Variants in FAM13A observed in about 807,000 individuals in gnomAD.
FAM13A encodes the protein family with sequence similarity 13 member A, also known as protein FAM13A.
A neutral mutation model predicts 129.6 loss-of-function variants in FAM13A; 76 were observed. That is an observed-to-expected ratio of 0.59 (90% CI 0.49 to 0.71). The LOEUF is 0.71. Among genes scored for constraint, FAM13A ranks in the 30% least tolerant of loss-of-function variants. The pLI is 0.00. For synonymous variants in FAM13A, 443 were observed against 449.9 expected, an observed-to-expected ratio of 0.98 and a Z score of 0.20; for missense variants, 1,108 against 1,249.3, an observed-to-expected ratio of 0.89 and a Z score of 1.70.
At chr4:88,966,661 T>C (rs1187942313) in intron 4 of FAM13A, among the ~76,000 whole-genome samples, 1 of 152,166 alleles carries the variant, frequency 6.6e-6, no homozygotes, top group African/African-American at 2.4e-5. Context: ...TGGTCATTAT[T>C]TTTAGACCTG....
Position 88,728,602 on chromosome 4 carries a change from G to T in FAM13A, c.3003C>A (p.His1001Gln). The change falls in exon 24 of 24, where the codon CAC becomes CAA. Residue 1001 changes from histidine to glutamine, a missense_variant. By Grantham distance (24) the His-to-Gln change is conservative. This residue lies in a region of FAM13A where 529 missense variants were observed against 621.2 expected (regional missense o/e 0.85). Coordinates refer to ENST00000264344, the MANE Select transcript of FAM13A (RefSeq NM_014883.4). ...CCAGGAGCCTCAGTTTCGCCTTTAT[G>T]TGCTTATATTCACTGTATTCTTCAG... is the stretch of plus-strand genomic sequence containing the variant. ...PMAEEYSEYK[H>Q]IKAKLRLLEV... is the part of the protein sequence containing the mutation. 6.2e-7 allele frequency: 1 copy of T among 1,614,134 alleles called. No individual in the cohort carries two copies. The highest frequency in any genetic ancestry group is 8.5e-7 in the Non-Finnish European group (1 of 1,179,982).
At chr4:88,806,586 A>T (rs1419098939) in intron 7 of FAM13A, among the ~76,000 whole-genome samples, 1 of 152,172 alleles carries the variant, frequency 6.6e-6, no homozygotes, top group African/African-American at 2.4e-5. Flanking sequence ...TCATTCTCTC[A>T]TGATTTGGGT....
intron 3 of FAM13A, among the ~76,000 whole-genome samples, chr4:89,017,307 C>T (rs777457113): frequency 6.6e-6 from 1 of 151,972 alleles, no homozygotes; most frequent in Non-Finnish European, 1.5e-5. Context: ...GTTACCTGTG[C>T]ATAACCTCAC....
At chr4:88,799,304 A>C (rs1042978340) in intron 8 of FAM13A, among the ~76,000 whole-genome samples, 3 of 152,176 alleles carry the variant, frequency 2.0e-5, no homozygotes, top group African/African-American at 7.2e-5. Context: ...ATACTTCACA[A>C]CTAAAGGATG....
At chr4:88,977,941 T>G (rs989888116) in intron 4 of FAM13A, among the ~76,000 whole-genome samples, 1 of 152,176 alleles carries the variant, frequency 6.6e-6, no homozygotes, top group Non-Finnish European at 1.5e-5. Flanking sequence ...ATCAGTAATA[T>G]TTAATTTTTT....
chr4:88,757,334 G>A (rs1743875442), intron 14 of FAM13A, among the ~76,000 whole-genome samples: 1 of 152,120 alleles, frequency 6.6e-6, no homozygotes, highest in South Asian at 2.1e-4. Context: ...TTTTTATCTA[G>A]AGCTTTAGGG....
At chr4:88,743,631 C>T (rs1206938673) in intron 19 of FAM13A, among the ~76,000 whole-genome samples, 1 of 152,064 alleles carries the variant, frequency 6.6e-6, no homozygotes, top group African/African-American at 2.4e-5. Context: ...ATCTGGGATG[C>T]TCAATCAATA....
At chr4:88,924,336 G>A (rs899134480) in intron 5 of FAM13A, among the ~76,000 whole-genome samples, 8 of 152,242 alleles carry the variant, frequency 5.3e-5, no homozygotes, top group African/African-American at 1.9e-4. Context: ...AAACAGCATG[G>A]TACTGGTACC....
chr4:88,898,312 T>C (rs891616116), intron 6 of FAM13A, among the ~76,000 whole-genome samples: 1 of 152,190 alleles, frequency 6.6e-6, no homozygotes, highest in Non-Finnish European at 1.5e-5. Context: ...GAGTATATTT[T>C]TGACATTGAA....
intron 6 of FAM13A, among the ~76,000 whole-genome samples, chr4:88,859,045 A>T (rs1739033239): frequency 6.6e-6 from 1 of 152,206 alleles, no homozygotes. Flanking sequence ...CCAGGCAAAA[A>T]AAGAGGAAGT....
intron 2 of FAM13A, among the ~76,000 whole-genome samples, chr4:89,021,044 T>C (rs976521959): frequency 6.6e-6 from 1 of 152,222 alleles, no homozygotes; most frequent in African/African-American, 2.4e-5. Flanking sequence ...CAACTACTTT[T>C]TAAATGACAT....
At chr4:88,880,755 G>A (rs1047468961) in intron 6 of FAM13A, among the ~76,000 whole-genome samples, 28 of 141,838 alleles carry the variant, frequency 2.0e-4, no homozygotes, top group African/African-American at 7.0e-4. Context: ...AATAAACTCA[G>A]AGCTGTTGCG....
At chr4:88,756,621 A>G (rs1578511284) in intron 14 of FAM13A, among the ~76,000 whole-genome samples, 1 of 152,172 alleles carries the variant, frequency 6.6e-6, no homozygotes, top group Admixed American at 6.5e-5. Flanking sequence ...TTTCGTTTAC[A>G]TATTTTGTTG....
intron 3 of FAM13A, among the ~76,000 whole-genome samples, chr4:89,018,493 T>C (rs573434959): frequency 3.9e-5 from 6 of 152,274 alleles, no homozygotes; most frequent in Non-Finnish European, 8.8e-5. Flanking sequence ...ATTAATACAA[T>C]TTGGGGTTGA....
In FAM13A at chr4:88,747,699, T is replaced by C. The variant is rs1741660055; in HGVS notation, c.2314A>G (p.Thr772Ala). 1 of 1,614,204 alleles carries C rather than the reference T, an allele frequency of 6.2e-7. No individual in the cohort carries two copies. Among genetic ancestry groups the C allele is most frequent in the Middle Eastern group, 1.6e-4 (1 of 6,062 alleles). The stretch of plus-strand genomic sequence containing the variant: ...AGCTTCCTCTGAATAGATTCCAATG[T>C]GGCTTCAACACTGGGCTTTATTGCT... ...DKAIKPSVEA[T>A]LESIQRKLQE... is the part of the protein sequence containing the mutation. Residue 772 changes from threonine (T) to alanine (A), a missense_variant, in exon 18 of 24, where the codon ACA becomes GCA. Thr to Ala is a moderately conservative substitution (Grantham distance 58, BLOSUM62 0). Coordinates refer to ENST00000264344, the MANE Select transcript of FAM13A (RefSeq NM_014883.4).
At chr4:88,970,320 G>A in intron 4 of FAM13A, among the ~76,000 whole-genome samples, 1 of 152,016 alleles carries the variant, frequency 6.6e-6, no homozygotes, top group Non-Finnish European at 1.5e-5. Context: ...ATGGCTCCTG[G>A]AAAATAGTAG....
chr4:89,006,635 C>G (rs145245441), intron 3 of FAM13A, among the ~76,000 whole-genome samples: 1 of 152,310 alleles, frequency 6.6e-6, no homozygotes, highest in African/African-American at 2.4e-5. Context: ...TGTTAACCAG[C>G]TCAGTGGAGA....
At chr4:88,851,341 T>C (rs1410684566) in intron 6 of FAM13A, among the ~76,000 whole-genome samples, 158 bp from the exon 7 acceptor site, 2 of 151,872 alleles carry the variant, frequency 1.3e-5, no homozygotes, top group African/African-American at 2.4e-5. Flanking sequence ...TTAAACTACA[T>C]ATAAAAATGA....
chr4:88,750,558 G>A lies in FAM13A; in HGVS notation c.1806C>T (p.Arg602=), dbSNP rs774330391. The A allele has an allele frequency of 1.2e-5, 19 of 1,614,076 alleles. No individual in the cohort carries two copies. The highest frequency in any genetic ancestry group is 1.6e-5 in the Non-Finnish European group (19 of 1,180,048). Residue 602 remains arginine (R), a synonymous_variant, in exon 15 of 24, where the codon CGC becomes CGT. Transcript: ENST00000264344. ...CTTCGTCCAGCAGCTGACGGATCAG[G>A]CGCCCAGCCTGCGGCGAGAGGTGGG... is the stretch of plus-strand genomic sequence containing the variant. The part of the protein sequence containing the change: ...DEAHLSPQAG[R]LIRQLLDEDS...
Sources: allele counts gnomAD v4.1 joint callset (sites outside exome capture counted in the v4.1 genomes callset), GRCh38; gene constraint gnomAD v4.1.1; regional missense constraint gnomAD v4.1.1; transcripts MANE v1.5; gene names NCBI Gene and HGNC (gene_info 2026-07-23, HGNC 2026-07-21).